The following NR3C2 variants were observed in gnomAD, a reference collection of about 807,000 sequenced individuals.
The protein encoded by NR3C2 is nuclear receptor subfamily 3 group C member 2.
A neutral mutation model predicts 86.4 loss-of-function variants in NR3C2; 15 were observed. That is an observed-to-expected ratio of 0.17 (90% CI 0.12 to 0.27). The LOEUF (loss-of-function observed/expected upper bound fraction) is 0.27. Ranked by LOEUF, NR3C2 falls within the 10% of genes least tolerant of loss-of-function variation. The probability of loss-of-function intolerance (pLI) is 1.00; values close to 1 mark genes in which losing one functional copy is unlikely to be tolerated. For missense variants in NR3C2, 960 were observed against 1,195.6 expected (o/e 0.80, Z 2.91); for synonymous variants, 458 against 450.5 (o/e 1.02, Z -0.21).
chr4:148,189,817 T>G (rs533382647), intron 4 of NR3C2, among the ~76,000 whole-genome samples: 1 of 152,308 alleles, frequency 6.6e-6, no homozygotes, highest in South Asian at 2.1e-4. Context: ...TTTTCTAGTT[T>G]ATGTGTGTAA....
intron 2 of NR3C2, among the ~76,000 whole-genome samples, chr4:148,430,852 C>T (rs935548455): frequency 1.3e-5 from 2 of 151,760 alleles, no homozygotes; most frequent in African/African-American, 2.4e-5. Context: ...ACTTCAGGGG[C>T]AATTGAAAAA....
intron 2 of NR3C2, among the ~76,000 whole-genome samples, chr4:148,363,502 A>ATTTTTTTTTTTTTTTTTTTTTTT (rs1414328296): frequency 6.2e-5 from 1 of 16,226 alleles, no homozygotes; most frequent in Non-Finnish European, 1.3e-4. Flanking sequence ...CTTCTCATAG[A>ATTTTTTTTTTTTTTTTTTTTTTT]TCTCTTTTTT....
intron 2 of NR3C2, among the ~76,000 whole-genome samples, chr4:148,332,745 T>C (rs1025552976): frequency 2.0e-5 from 3 of 152,170 alleles, no homozygotes; most frequent in African/African-American, 7.2e-5. Context: ...AATGGAGTGT[T>C]AGAGGTAGTC....
chr4:148,316,607 G>C (rs968206929), intron 2 of NR3C2, among the ~76,000 whole-genome samples: 1 of 152,072 alleles, frequency 6.6e-6, no homozygotes, highest in Admixed American at 6.6e-5. Context: ...TTCTTTTAAG[G>C]AGGAAATTTT....
At chr4:148,241,268 T>G (rs1234169724) in intron 3 of NR3C2, among the ~76,000 whole-genome samples, 1 of 119,110 alleles carries the variant, frequency 8.4e-6, no homozygotes, top group African/African-American at 3.4e-5. Context: ...ATTATGCCAT[T>G]GCACTCCAGC....
chr4:148,176,383 C>T (rs2056660196), intron 4 of NR3C2, among the ~76,000 whole-genome samples: 1 of 152,168 alleles, frequency 6.6e-6, no homozygotes, highest in Admixed American at 6.5e-5. Context: ...GCTGCTCTTT[C>T]CAGACAGCAC....
At chr4:148,392,788 T>C (rs1008929723) in intron 2 of NR3C2, among the ~76,000 whole-genome samples, 2 of 152,210 alleles carry the variant, frequency 1.3e-5, no homozygotes, top group African/African-American at 4.8e-5. Context: ...GACATGTACA[T>C]CTGCGAAAAT....
intron 2 of NR3C2, among the ~76,000 whole-genome samples, chr4:148,356,753 CTAA>C (rs1339377955): frequency 1.3e-5 from 2 of 152,062 alleles, no homozygotes; most frequent in African/African-American, 4.8e-5. Flanking sequence ...AGTCTTGTTA[CTAA>C]AATAAAAATT....
At chr4:148,228,375 T>G (rs1484932580) in intron 3 of NR3C2, among the ~76,000 whole-genome samples, 1 of 152,210 alleles carries the variant, frequency 6.6e-6, no homozygotes, top group Non-Finnish European at 1.5e-5. Context: ...TTTATAAAGC[T>G]GCACAGTACT....
At chr4:148,376,680 C>T (rs61763769) in intron 2 of NR3C2, among the ~76,000 whole-genome samples, 30 of 152,160 alleles carry the variant, frequency 2.0e-4, no homozygotes, top group African/African-American at 5.5e-4. Flanking sequence ...GTAGTTCTGC[C>T]GTCCAAGGGC....
chr4:148,166,147 T>C (rs530424475), intron 4 of NR3C2, among the ~76,000 whole-genome samples: 2 of 152,256 alleles, frequency 1.3e-5, no homozygotes, highest in Admixed American at 6.5e-5. Flanking sequence ...CTGGGATCTC[T>C]TCAGGATACA....
intron 6 of NR3C2, among the ~76,000 whole-genome samples, chr4:148,136,064 A>C (rs1337134647): frequency 2.4e-4 from 14 of 58,902 alleles, no homozygotes; most frequent in Admixed American, 1.9e-3. Flanking sequence ...CTCAAAAAAA[A>C]AAAAAAAAAA....
intron 6 of NR3C2, among the ~76,000 whole-genome samples, chr4:148,143,117 T>G (rs953297390): frequency 6.6e-6 from 1 of 152,150 alleles, no homozygotes; most frequent in African/African-American, 2.4e-5. Flanking sequence ...CAGCCTAATA[T>G]AGATGATCAG....
At chr4:148,432,333 T>C (rs1481466342) in intron 2 of NR3C2, among the ~76,000 whole-genome samples, 1 of 152,204 alleles carries the variant, frequency 6.6e-6, no homozygotes, top group East Asian at 1.9e-4. Context: ...ATTGTAGATA[T>C]GAATCTTTGA....
At chr4:148,234,977 C>T (rs1738672590) in intron 3 of NR3C2, among the ~76,000 whole-genome samples, 2 of 152,100 alleles carry the variant, frequency 1.3e-5, no homozygotes, top group South Asian at 4.1e-4. Flanking sequence ...CAATGTTTTG[C>T]ACTAAACTAT....
chr4:148,274,531 C>T (rs1368127206), intron 2 of NR3C2, among the ~76,000 whole-genome samples: 2 of 151,916 alleles, frequency 1.3e-5, no homozygotes, highest in Non-Finnish European at 2.9e-5. Flanking sequence ...TGGGCAGCTC[C>T]CCCCTCGCTC....
At position 148,331,065 on chromosome 4, in the gene NR3C2, T is replaced by C. The variant is rs74288697; in HGVS notation, c.1758-70948A>G. Among the ~76,000 whole-genome samples the C allele has an allele frequency of 1.3e-3, 202 of 152,306 alleles. 1 individual carries two copies. In the East Asian group the frequency reaches 0.034, roughly 25 times the overall value. ...TTATAAAATTACCCAGTCTCAAGTATTCCTTTATAATAATGCAAATGGACT... is the reference window on the plus strand; with the variant it reads ...TTATAAAATTACCCAGTCTCAAGTACTCCTTTATAATAATGCAAATGGACT... On this transcript the variant is annotated intron_variant, in intron 2 of 8. Coordinates refer to ENST00000358102, the MANE Select transcript of NR3C2 (RefSeq NM_000901.5).
chr4:148,393,992 C>A (rs1199651219), intron 2 of NR3C2, among the ~76,000 whole-genome samples: 1 of 152,218 alleles, frequency 6.6e-6, no homozygotes, highest in African/African-American at 2.4e-5. Flanking sequence ...TGTCCAGAGA[C>A]TGGGCCTCAA....
At chr4:148,266,474 G>A (rs1394305142) in intron 2 of NR3C2, among the ~76,000 whole-genome samples, 1 of 152,130 alleles carries the variant, frequency 6.6e-6, no homozygotes, top group African/African-American at 2.4e-5. Context: ...AGGAATGAAT[G>A]CAACACATTC....
Sources: allele counts gnomAD v4.1 joint callset (sites outside exome capture counted in the v4.1 genomes callset), GRCh38; gene constraint gnomAD v4.1.1; transcripts MANE v1.5; gene names NCBI Gene and HGNC (gene_info 2026-07-23, HGNC 2026-07-21).